The following MBIP variants were observed in gnomAD, a reference collection of about 807,000 sequenced individuals.
MBIP encodes MAP3K12-binding inhibitory protein 1.
A neutral mutation model predicts 45.7 loss-of-function variants in MBIP; 32 were observed. That is an observed-to-expected ratio of 0.70 (90% CI 0.53 to 0.94). The LOEUF (loss-of-function observed/expected upper bound fraction) is 0.94, where lower values mean the gene tolerates loss of function less well. Ranked by LOEUF, MBIP falls within the 40% of genes least tolerant of loss-of-function variation. The pLI is 0.00. For missense variants in MBIP, 381 were observed against 405.5 expected, an observed-to-expected ratio of 0.94 and a Z score of 0.52; for synonymous variants, 145 against 141.0, an observed-to-expected ratio of 1.03 and a Z score of -0.20.
intron 8 of MBIP, among the ~76,000 whole-genome samples, chr14:36,300,368 T>C (rs1291990642): frequency 6.6e-6 from 1 of 152,212 alleles, no homozygotes; most frequent in Non-Finnish European, 1.5e-5. Context: ...AGCCTTACTA[T>C]TTAAGGTTCA....
At chr14:36,317,843 G>C (rs578094001) in intron 1 of MBIP, among the ~76,000 whole-genome samples, 2 of 152,040 alleles carry the variant, frequency 1.3e-5, no homozygotes, top group South Asian at 4.1e-4. Context: ...CAGATTTTAT[G>C]AGTCACAATT....
chr14:36,301,690 G>A (rs1217169232), intron 7 of MBIP, among the ~76,000 whole-genome samples: 1 of 152,222 alleles, frequency 6.6e-6, no homozygotes, highest in Non-Finnish European at 1.5e-5. Context: ...TTTACATAAT[G>A]TTTAAGCCAG....
intron 7 of MBIP, among the ~76,000 whole-genome samples, chr14:36,306,818 A>C (rs1372768246): frequency 2.0e-5 from 3 of 152,188 alleles, no homozygotes; most frequent in Non-Finnish European, 4.4e-5. Context: ...AGTCATTAAA[A>C]ATCTTTATGA....
chr14:36,307,372 T>G (rs900853198), intron 7 of MBIP, among the ~76,000 whole-genome samples: 1 of 152,142 alleles, frequency 6.6e-6, no homozygotes, highest in African/African-American at 2.4e-5. Context: ...TAATCTCACT[T>G]TGATATTATT....
At chr14:36,319,418 C>A (rs1415854590) in intron 1 of MBIP, among the ~76,000 whole-genome samples, 1 of 152,100 alleles carries the variant, frequency 6.6e-6, no homozygotes, top group Non-Finnish European at 1.5e-5. Flanking sequence ...TTAATAACTG[C>A]GTCATTTCAT....
intron 8 of MBIP, among the ~76,000 whole-genome samples, chr14:36,299,987 T>C (rs962539556): frequency 2.0e-5 from 3 of 152,156 alleles, no homozygotes; most frequent in Admixed American, 6.5e-5. Context: ...TGTTCTAGAC[T>C]TAGTGGTGAT....
At chr14:36,313,363 G>A (rs989191852) in intron 4 of MBIP, 3 of 152,098 alleles carry the variant, frequency 2.0e-5, no homozygotes, top group African/African-American at 7.2e-5. Context: ...TGCTAGCACT[G>A]TTTTGAGCCA....
intron 6 of MBIP, among the ~76,000 whole-genome samples, chr14:36,309,358 G>A (rs972335531): frequency 6.6e-6 from 1 of 152,124 alleles, no homozygotes; most frequent in Non-Finnish European, 1.5e-5. Context: ...TAAGCTCCAA[G>A]AGGACAGAGT....
intron 8 of MBIP, among the ~76,000 whole-genome samples, chr14:36,300,253 C>A (rs891426425): frequency 9.0e-4 from 137 of 152,206 alleles, no homozygotes; most frequent in Non-Finnish European, 2.5e-4. Flanking sequence ...TAGCTGCTAT[C>A]AAAAAACTTA....
intron 6 of MBIP, among the ~76,000 whole-genome samples, chr14:36,308,714 A>C (rs1455688605): frequency 2.0e-5 from 3 of 152,192 alleles, no homozygotes; most frequent in African/African-American, 7.2e-5. Context: ...ATGGCCACTC[A>C]AATTTTAAAT....
chr14:36,300,380 C>CTAAT (rs1879466922), intron 8 of MBIP, among the ~76,000 whole-genome samples: 1 of 152,170 alleles, frequency 6.6e-6, no homozygotes, highest in African/African-American at 2.4e-5. Context: ...TAAGGTTCAA[C>CTAAT]TAATTAGTAA....
chr14:36,305,757 A>G (rs543683230), intron 7 of MBIP, among the ~76,000 whole-genome samples: 3 of 152,152 alleles, frequency 2.0e-5, no homozygotes, highest in Non-Finnish European at 4.4e-5. Context: ...CATTTCCCAC[A>G]AAAGTATCTC....
chr14:36,317,633 A>G (rs989543638), intron 1 of MBIP, among the ~76,000 whole-genome samples: 1 of 152,138 alleles, frequency 6.6e-6, no homozygotes, highest in Admixed American at 6.5e-5. Context: ...GATTATTATC[A>G]AAATGAGTGA....
Position 36,314,572 on chromosome 14 carries a change from G to A in MBIP, c.511C>T (p.Gln171Ter), listed in dbSNP as rs199518397. The A allele has an allele frequency of 9.9e-6, 16 of 1,611,508 alleles. No homozygotes were observed. The East Asian group carries it at 3.3e-4, about 34-fold the overall frequency. ...RRISAFIERK[Q>*]AEINENNVRE... is the part of the protein sequence containing the mutation. Reference sequence around the variant, plus strand: ...ACGTTGTTTTCATTGATTTCAGCTTGCTTTCTTTCAATAAATGCAGATATT... The same window carrying A: ...ACGTTGTTTTCATTGATTTCAGCTTACTTTCTTTCAATAAATGCAGATATT... The change falls in exon 4 of 9, where the codon CAA becomes TAA. Residue 171 changes from glutamine (Q) to a stop codon, truncating the protein, a stop_gained. Transcript: ENST00000416007. LOFTEE classifies it high-confidence loss of function.
intron 3 of MBIP, 40 bp downstream of exon 3, chr14:36,314,651 A>G (rs1293709646): frequency 6.2e-7 from 1 of 1,604,876 alleles, no homozygotes; most frequent in Non-Finnish European, 8.5e-7. Context: ...AAGATTTTTT[A>G]AAATAATACC....
rs1361419710 is a variant in MBIP at position 36,298,711 on chromosome 14, A to G, written c.*372T>C. 6.2e-6 allele frequency: 1 copy of G among 162,404 alleles called. No homozygotes were observed. Among genetic ancestry groups the G allele is most frequent in the Non-Finnish European group, 1.3e-5 (1 of 74,436 alleles). The allele number at this position is 162,404 out of a possible 1,614,324, so 10.1% of individuals were successfully genotyped here. A position where few individuals can be genotyped will look rare whatever the true frequency, so the allele number is the denominator to read the frequency against. Reference sequence around the variant, plus strand: ...ATGCAAAGTACTGATTTAAACTAATAAACTGGTTAACATCAATGTTACAAA... The same window carrying G: ...ATGCAAAGTACTGATTTAAACTAATGAACTGGTTAACATCAATGTTACAAA... On this transcript the variant is annotated 3_prime_UTR_variant, in exon 9 of 9. Transcript: ENST00000416007.
At chr14:36,317,263 C>T (rs1451234642) in intron 1 of MBIP, among the ~76,000 whole-genome samples, 1 of 152,130 alleles carries the variant, frequency 6.6e-6, no homozygotes, top group Non-Finnish European at 1.5e-5. Flanking sequence ...TAAGTATGTA[C>T]ACAAATACAT....
intron 4 of MBIP, chr14:36,313,994 C>T (rs1480662235): frequency 6.6e-6 from 1 of 152,520 alleles, no homozygotes; most frequent in African/African-American, 2.4e-5. Flanking sequence ...AATGTATGCA[C>T]TATGGCAGAA....
chr14:36,312,498 G>A (rs1880270765), intron 4 of MBIP, among the ~76,000 whole-genome samples: 1 of 152,022 alleles, frequency 6.6e-6, no homozygotes, highest in Non-Finnish European at 1.5e-5. Context: ...ACACAAAGAT[G>A]ACCTCAAAAC....
Sources: gnomAD v4.1 joint callset for allele counts (sites outside exome capture counted in the v4.1 genomes callset) on GRCh38, gnomAD v4.1.1 for gene constraint, MANE v1.5 for transcripts, NCBI Gene and HGNC (gene_info 2026-07-23, HGNC 2026-07-21) for gene names.